IL1RAPL1: variants seen among roughly 807,000 people sequenced by gnomAD.
IL1RAPL1 encodes interleukin-1 receptor accessory protein-like 1.
Under a neutral mutation model 48.4 loss-of-function variants are expected in IL1RAPL1, and 3 were observed. The ratio of observed to expected loss-of-function variants is 0.06; its 90% confidence interval spans 0.03 to 0.16. The LOEUF (loss-of-function observed/expected upper bound fraction) is 0.16. IL1RAPL1 is among the 10% of genes least tolerant of loss of function. The probability of loss-of-function intolerance (pLI) is 1.00; values close to 1 mark genes in which losing one functional copy is unlikely to be tolerated. For missense variants in IL1RAPL1, 349 were observed against 530.6 expected (o/e 0.66, Z 3.36); for synonymous variants, 185 against 187.7 (o/e 0.99, Z 0.12).
chrX:29,455,023 C>T (rs1934722559), intron 5 of IL1RAPL1, among the ~76,000 whole-genome samples: 1 of 110,998 alleles, frequency 9.0e-6, no homozygotes, highest in South Asian at 3.8e-4. Context: ...TATAGAATCA[C>T]AAAAATTATT....
At chrX:29,221,245 T>A (rs1930968441) in intron 2 of IL1RAPL1, among the ~76,000 whole-genome samples, 1 of 112,058 alleles carries the variant, frequency 8.9e-6, no homozygotes, top group African/African-American at 3.2e-5. Flanking sequence ...TATCCAATGT[T>A]ATTAGAATTT....
intron 6 of IL1RAPL1, among the ~76,000 whole-genome samples, chrX:29,856,152 G>A (rs1012492887): frequency 2.7e-5 from 3 of 111,679 alleles, no homozygotes; most frequent in Non-Finnish European, 5.7e-5. Flanking sequence ...CACGAGTTGA[G>A]AAACTGCTCT....
At chrX:29,565,290 T>A (rs918797825) in intron 5 of IL1RAPL1, among the ~76,000 whole-genome samples, 16 of 109,401 alleles carry the variant, frequency 1.5e-4, no homozygotes, top group Non-Finnish European at 3.0e-4. Context: ...ATTATATTCA[T>A]GGTTGCTCAA....
At chrX:28,833,133 G>T (rs1230688272) in intron 2 of IL1RAPL1, among the ~76,000 whole-genome samples, 1 of 110,976 alleles carries the variant, frequency 9.0e-6, no homozygotes, top group Admixed American at 9.6e-5. Flanking sequence ...TTGCTGCAAA[G>T]GACATGATTT....
At position 29,246,354 on chromosome X, in the gene IL1RAPL1, G is replaced by A. The variant is rs780883057; in HGVS notation, c.83-36584G>A. On this transcript the variant is annotated intron_variant, in intron 2 of 10. Coordinates refer to ENST00000378993, the MANE Select transcript of IL1RAPL1 (RefSeq NM_014271.4). ...AAGTCTTAGGCCTTTAGGGGTCACA[G>A]TGATGAGGTACAGGTGACTCTTTAC... 5.5e-5 allele frequency among the ~76,000 whole-genome samples: 6 copies of A among 109,562 alleles called. No homozygotes were observed. The Admixed American group carries it at 5.9e-4, about 11-fold the overall frequency.
intron 5 of IL1RAPL1, among the ~76,000 whole-genome samples, chrX:29,650,050 C>A (rs190615834): frequency 1.8e-5 from 2 of 111,423 alleles, no homozygotes; most frequent in East Asian, 5.6e-4. Flanking sequence ...ATACATTTAA[C>A]CAAGAGGGAA....
chrX:29,751,991 A>G (rs867730446), intron 6 of IL1RAPL1, among the ~76,000 whole-genome samples: 2 of 101,565 alleles, frequency 2.0e-5, no homozygotes, highest in African/African-American at 3.5e-5. Flanking sequence ...ATGTGTGTGT[A>G]TATATATACA....
chrX:29,479,527 A>T (rs1469000574), intron 5 of IL1RAPL1, among the ~76,000 whole-genome samples: 1 of 108,199 alleles, frequency 9.2e-6, no homozygotes, highest in Non-Finnish European at 1.9e-5. Flanking sequence ...TTATTTATTT[A>T]TTTTTAAGTT....
intron 1 of IL1RAPL1, among the ~76,000 whole-genome samples, chrX:28,629,665 A>G (rs1230178716): frequency 2.7e-5 from 3 of 111,882 alleles, no homozygotes; most frequent in African/African-American, 9.8e-5. Context: ...AATTGGGACT[A>G]TCTAATAAGC....
intron 2 of IL1RAPL1, among the ~76,000 whole-genome samples, chrX:28,852,105 C>T (rs923149624): frequency 1.7e-4 from 19 of 111,697 alleles, no homozygotes; most frequent in African/African-American, 6.2e-4. Flanking sequence ...AGCTACCTTA[C>T]AGCAGAGAAC....
intron 6 of IL1RAPL1, among the ~76,000 whole-genome samples, chrX:29,910,577 G>A (rs187394047): frequency 9.0e-6 from 1 of 111,301 alleles, no homozygotes; most frequent in East Asian, 2.8e-4. Flanking sequence ...TAAAAATATA[G>A]TCTGATTTTA....
intron 2 of IL1RAPL1, among the ~76,000 whole-genome samples, chrX:28,971,696 G>C (rs771514714): frequency 9.0e-6 from 1 of 111,215 alleles, no homozygotes; most frequent in Non-Finnish European, 1.9e-5. Context: ...TTGGCAGAAC[G>C]ATCAATGAGA....
At chrX:28,727,751 T>C (rs1353446984) in intron 1 of IL1RAPL1, among the ~76,000 whole-genome samples, 1 of 110,792 alleles carries the variant, frequency 9.0e-6, no homozygotes, top group Non-Finnish European at 1.9e-5. Context: ...TGAAGGGCTG[T>C]TGAATTTTGT....
intron 5 of IL1RAPL1, among the ~76,000 whole-genome samples, chrX:29,458,790 G>T (rs1805191129): frequency 9.1e-6 from 1 of 109,424 alleles, no homozygotes; most frequent in Non-Finnish European, 1.9e-5. Context: ...CTGGGCTCAA[G>T]TGATCCTCCT....
chrX:29,555,377 T>G (rs1173897776), intron 5 of IL1RAPL1, among the ~76,000 whole-genome samples: 1 of 112,292 alleles, frequency 8.9e-6, no homozygotes, highest in Non-Finnish European at 1.9e-5. Context: ...ACTTTGAACT[T>G]GTAGTCTCCT....
At chrX:28,669,718 CATTT>C (rs1336987197) in intron 1 of IL1RAPL1, among the ~76,000 whole-genome samples, 68 of 100,174 alleles carry the variant, frequency 6.8e-4, no homozygotes, top group African/African-American at 2.1e-3. Context: ...ATAATTATAT[CATTT>C]ATAATATAAT....
intron 2 of IL1RAPL1, among the ~76,000 whole-genome samples, chrX:29,075,307 G>T (rs1927646315): frequency 9.0e-6 from 1 of 111,571 alleles, no homozygotes; most frequent in African/African-American, 3.3e-5. Context: ...GAAGTATAGG[G>T]TAATCTCTTT....
chrX:29,109,063 C>T (rs1164642764), intron 2 of IL1RAPL1, among the ~76,000 whole-genome samples: 1 of 110,500 alleles, frequency 9.0e-6, no homozygotes, highest in Non-Finnish European at 1.9e-5. Context: ...CAATGAATTG[C>T]ATTTAGTTTA....
chrX:29,885,497 G>C (rs1881199737), intron 6 of IL1RAPL1, among the ~76,000 whole-genome samples: 1 of 111,226 alleles, frequency 9.0e-6, no homozygotes, highest in Admixed American at 9.6e-5. Flanking sequence ...GTAACTCAGT[G>C]AACATCAGAA....
Sources: gnomAD v4.1 joint callset for allele counts (sites outside exome capture counted in the v4.1 genomes callset) on GRCh38, gnomAD v4.1.1 for gene constraint, MANE v1.5 for transcripts, NCBI Gene and HGNC (gene_info 2026-07-23, HGNC 2026-07-21) for gene names.